Variants in IFT81 observed in about 807,000 individuals in gnomAD.
IFT81 encodes the protein intraflagellar transport 81, also known as intraflagellar transport protein 81 homolog.
A neutral mutation model predicts 102.6 loss-of-function variants in IFT81; 72 were observed. That is an observed-to-expected ratio of 0.70 (90% CI 0.58 to 0.85). The LOEUF is 0.85. Among genes scored for constraint, IFT81 ranks in the 40% least tolerant of loss-of-function variants. The pLI is 0.00. For missense variants in IFT81, 723 were observed against 787.3 expected (o/e 0.92, Z 0.98); for synonymous variants, 237 against 242.7 (o/e 0.98, Z 0.22).
Position 110,128,158 on chromosome 12 carries a change from C to T in IFT81, c.248+9C>T. ...GGAAATGCCACAGATATGTAAGAAT[C>T]TGATCACGTATTGAGTTTTTAAAAT... On this transcript the variant is annotated intron_variant, in intron 3 of 18. Transcript: ENST00000242591. 1 of 1,530,454 alleles carries T rather than the reference C, an allele frequency of 6.5e-7. No individual in the cohort carries two copies. The allele number at this position is 1,530,454 out of a possible 1,614,324, so 94.8% of individuals were successfully genotyped here. A position where few individuals can be genotyped will look rare whatever the true frequency, so the allele number is the denominator to read the frequency against.
chr12:110,157,379 C>A (rs1438632075), intron 10 of IFT81, among the ~76,000 whole-genome samples: 1 of 151,726 alleles, frequency 6.6e-6, no homozygotes, highest in Non-Finnish European at 1.5e-5. Flanking sequence ...AAATAATAAT[C>A]ATAATAATAA....
intron 11 of IFT81, among the ~76,000 whole-genome samples, chr12:110,178,740 T>G (rs1297727743): frequency 8.1e-5 from 1 of 12,400 alleles, no homozygotes; most frequent in African/African-American, 3.1e-4. Context: ...CTCAGCCTCC[T>G]GAGTAGCTGG....
Position 110,218,307 on chromosome 12 carries a change from T to C in IFT81, c.*81T>C. The stretch of plus-strand genomic sequence containing the variant: ...TCATAATGTATTTCTTTTTTGAAAC[T>C]GATTTGTATAGCATTTTGTTTTCAG... On this transcript the variant is annotated 3_prime_UTR_variant, in exon 19 of 19. Coordinates refer to ENST00000242591, the MANE Select transcript of IFT81 (RefSeq NM_014055.4). The C allele has an allele frequency of 1.9e-6, 2 of 1,060,536 alleles. No individual in the cohort carries two copies. Among genetic ancestry groups the C allele is most frequent in the South Asian group, 2.3e-5 (1 of 43,646 alleles). The allele number at this position is 1,060,536 out of a possible 1,614,324, so 65.7% of individuals were successfully genotyped here.
At chr12:110,215,945 C>T (rs150267544) in intron 18 of IFT81, among the ~76,000 whole-genome samples, 3 of 152,126 alleles carry the variant, frequency 2.0e-5, no homozygotes, top group Admixed American at 6.5e-5. Context: ...GTACTATTTT[C>T]GTAATCACTG....
chr12:110,136,884 A>G (rs1894546055), intron 8 of IFT81, 24 bp downstream of exon 8: 1 of 1,360,252 alleles, frequency 7.4e-7, no homozygotes, highest in Non-Finnish European at 1.0e-6. Flanking sequence ...ATTATATGGT[A>G]TAGATGATTA....
Position 110,191,050 on chromosome 12 carries a change from T to C in IFT81, c.1467+2T>C. 2.5e-6 allele frequency: 4 copies of C among 1,594,234 alleles called. No individual in the cohort carries two copies. The highest frequency in any genetic ancestry group is 3.4e-6 in the Non-Finnish European group (4 of 1,173,860). On this transcript the variant is annotated splice_donor_variant, in intron 13 of 18. Coordinates refer to ENST00000242591, the MANE Select transcript of IFT81 (RefSeq NM_014055.4). LOFTEE classifies it high-confidence loss of function. ...ACATTGGATGATATGTCTGAAATGG[T>C]GATGATACTTTTATTTAAATTTTCT...
chr12:110,132,321 G>A lies in IFT81; in HGVS notation c.430-226G>A, dbSNP rs577726393. ...CTAAAAATACAAAAATTAGCCGGGC[G>A]TGGTGGCGCGCGCATGTAATCCCAG... On this transcript the variant is annotated intron_variant, in intron 4 of 18. Transcript: ENST00000242591. Among the ~76,000 whole-genome samples the A allele has an allele frequency of 3.9e-4, 59 of 151,876 alleles. 1 individual carries two copies. In the South Asian group the frequency reaches 8.1e-3, roughly 21 times the overall value.
chr12:110,138,789 C>T (rs187151257), intron 8 of IFT81, among the ~76,000 whole-genome samples: 3 of 152,294 alleles, frequency 2.0e-5, no homozygotes, highest in African/African-American at 7.2e-5. Context: ...TAAAAGAAGA[C>T]ACTCATTTGA....
At chr12:110,217,961 C>T (rs1870346384) in intron 18 of IFT81, 83 bp from the exon 19 acceptor site, 2 of 923,886 alleles carry the variant, frequency 2.2e-6, no homozygotes, top group Non-Finnish European at 3.2e-6. Context: ...CTGTAGAAAA[C>T]ATACCATATT....
At chr12:110,207,884 A>C (rs1400019475) in intron 17 of IFT81, among the ~76,000 whole-genome samples, 1 of 152,152 alleles carries the variant, frequency 6.6e-6, no homozygotes, top group Admixed American at 6.5e-5. Flanking sequence ...CTTAAATAGT[A>C]TTGAAATATA....
chr12:110,154,057 C>G (rs1895696560), intron 10 of IFT81, among the ~76,000 whole-genome samples: 1 of 151,986 alleles, frequency 6.6e-6, no homozygotes, highest in Non-Finnish European at 1.5e-5. Context: ...GATCTCAGCT[C>G]ACGGCAACCT....
intron 11 of IFT81, among the ~76,000 whole-genome samples, chr12:110,179,453 G>A (rs1351774488): frequency 6.6e-6 from 1 of 151,816 alleles, no homozygotes; most frequent in Non-Finnish European, 1.5e-5. Context: ...CAGGCACGGT[G>A]ACTCATGCCT....
chr12:110,203,591 G>C, intron 14 of IFT81: 1 of 347,364 alleles, frequency 2.9e-6, no homozygotes. Flanking sequence ...AACATTACTT[G>C]AGAGGAAGAA....
intron 10 of IFT81, among the ~76,000 whole-genome samples, chr12:110,150,751 T>G (rs1178891472): frequency 6.6e-6 from 1 of 152,208 alleles, no homozygotes; most frequent in Non-Finnish European, 1.5e-5. Context: ...ATTTTGTTTT[T>G]GGGGTATATA....
chr12:110,158,113 C>A (rs1310097434), intron 10 of IFT81, among the ~76,000 whole-genome samples: 1 of 151,834 alleles, frequency 6.6e-6, no homozygotes, highest in Non-Finnish European at 1.5e-5. Flanking sequence ...ACTCCATTGT[C>A]CAGGTGGAGT....
intron 11 of IFT81, among the ~76,000 whole-genome samples, chr12:110,165,808 G>A (rs1896406815): frequency 6.6e-6 from 1 of 152,132 alleles, no homozygotes; most frequent in African/African-American, 2.4e-5. Context: ...CTGTAAAATG[G>A]GGCTGATTGC....
intron 11 of IFT81, among the ~76,000 whole-genome samples, chr12:110,175,093 T>C (rs1896983463): frequency 6.6e-6 from 1 of 152,190 alleles, no homozygotes; most frequent in African/African-American, 2.4e-5. Context: ...GCTGCTATAA[T>C]GGGCTTCCCT....
intron 10 of IFT81, among the ~76,000 whole-genome samples, chr12:110,154,628 CAAAA>C (rs201856295): frequency 1.9e-5 from 1 of 53,626 alleles, no homozygotes; most frequent in African/African-American, 6.9e-5. Context: ...CTCTGTCTCA[CAAAA>C]AAAAAAAAAA....
intron 17 of IFT81, among the ~76,000 whole-genome samples, chr12:110,206,864 A>G (rs1439714637): frequency 2.6e-5 from 4 of 152,186 alleles, no homozygotes; most frequent in African/African-American, 7.2e-5. Flanking sequence ...AACTTTGTTC[A>G]TATAAATCTA....
Sources: allele counts gnomAD v4.1 joint callset (sites outside exome capture counted in the v4.1 genomes callset), GRCh38; gene constraint gnomAD v4.1.1; transcripts MANE v1.5; gene names NCBI Gene and HGNC (gene_info 2026-07-23, HGNC 2026-07-21).